The following LRFN2 variants were observed in gnomAD, a reference collection of about 807,000 sequenced individuals.
LRFN2 encodes the protein leucine-rich repeat and fibronectin type-III domain-containing protein 2.
A neutral mutation model predicts 37.3 loss-of-function variants in LRFN2; 18 were observed. That is an observed-to-expected ratio of 0.48 (90% CI 0.33 to 0.72). The LOEUF (loss-of-function observed/expected upper bound fraction) is 0.72. Ranked by LOEUF, LRFN2 falls within the 30% of genes least tolerant of loss-of-function variation. The pLI is 0.02. For synonymous variants in LRFN2, 556 were observed against 466.6 expected, an observed-to-expected ratio of 1.19 and a Z score of -2.47; for missense variants, 1,006 against 1,060.7, an observed-to-expected ratio of 0.95 and a Z score of 0.72.
At chr6:40,429,362 A>G (rs1763428029) in intron 2 of LRFN2, among the ~76,000 whole-genome samples, 1 of 152,090 alleles carries the variant, frequency 6.6e-6, no homozygotes, top group Non-Finnish European at 1.5e-5. Context: ...TCTCCCCCTC[A>G]CGAACTGCGT....
intron 2 of LRFN2, among the ~76,000 whole-genome samples, chr6:40,394,064 G>A (rs957155970): frequency 6.6e-5 from 10 of 152,130 alleles, no homozygotes; most frequent in African/African-American, 2.4e-4. Flanking sequence ...AAGAAACCTG[G>A]GGGAAGAGTT....
Position 40,556,952 on chromosome 6 carries a change from T to C in LRFN2, c.-19+29989A>G, listed in dbSNP as rs1452074518. On this transcript the variant is annotated intron_variant, in intron 1 of 2. Coordinates refer to ENST00000338305, the MANE Select transcript of LRFN2 (RefSeq NM_020737.3). ...GTCTAATCCACATCACTTCAGACAG[T>C]GAGCTCCTTAAGAATTAGAGACATA... 2.6e-5 allele frequency among the ~76,000 whole-genome samples: 4 copies of C among 152,194 alleles called. No homozygotes were observed. In the East Asian group the frequency reaches 7.7e-4, roughly 29 times the overall value.
Position 40,392,994 on chromosome 6 carries a change from A to G in LRFN2, c.1401-82T>C. On this transcript the variant is annotated intron_variant, in intron 2 of 2. Transcript: ENST00000338305. The surrounding 1 kb of genome is among the most constrained non-coding windows in gnomAD (Gnocchi z 4.7). ...ATGGGGAGTGGACAGAGGTAGAAACAGAGTGACAGAGATGGGGAGGGGGAG... is the reference window on the plus strand; with the variant it reads ...ATGGGGAGTGGACAGAGGTAGAAACGGAGTGACAGAGATGGGGAGGGGGAG... The G allele has an allele frequency of 1.0e-6, 1 of 985,196 alleles. No individual in the cohort carries two copies. The highest frequency in any genetic ancestry group is 1.6e-5 in the South Asian group (1 of 60,616). 61.0% of individuals were successfully genotyped at this position (985,196 alleles called of 1,614,324 possible).
chr6:40,407,229 T>C (rs1762865394), intron 2 of LRFN2, among the ~76,000 whole-genome samples: 2 of 152,256 alleles, frequency 1.3e-5, no homozygotes, highest in South Asian at 4.1e-4. Context: ...TCCACAGATA[T>C]AGAAGTCTTC....
At chr6:40,482,242 G>C (rs1239900555) in intron 1 of LRFN2, among the ~76,000 whole-genome samples, 1 of 152,184 alleles carries the variant, frequency 6.6e-6, no homozygotes, top group Non-Finnish European at 1.5e-5. Flanking sequence ...GTCTAAAGAG[G>C]GTTTCTCTGC....
At chr6:40,527,547 C>A (rs1341118262) in intron 1 of LRFN2, among the ~76,000 whole-genome samples, 1 of 152,094 alleles carries the variant, frequency 6.6e-6, no homozygotes, top group African/African-American at 2.4e-5. Flanking sequence ...AAGGAAGAGA[C>A]CTGGAGCCAC....
Position 40,462,432 on chromosome 6 carries a change from G to A in LRFN2, c.-18-29301C>T, listed in dbSNP as rs190720716. 6.6e-5 allele frequency among the ~76,000 whole-genome samples: 10 copies of A among 152,260 alleles called. No homozygotes were observed. The East Asian group carries it at 1.7e-3, about 26-fold the overall frequency. On this transcript the variant is annotated intron_variant, in intron 1 of 2. Transcript: ENST00000338305. The stretch of plus-strand genomic sequence containing the variant: ...GACTCCATTCTGGGAAACCCCTGCA[G>A]CTCCCCTCAGTATGTGATTCATAGC...
chr6:40,544,401 C>G lies in LRFN2; in HGVS notation c.-19+42540G>C, dbSNP rs370868115. On this transcript the variant is annotated intron_variant, in intron 1 of 2. Transcript: ENST00000338305. ...ATATAAGCCAGCCTTTGTTTCCCAA[C>G]CCCTCTTCTAGAGCATCTTACTGCT... is the stretch of plus-strand genomic sequence containing the variant. Among the ~76,000 whole-genome samples, 10 of 152,330 alleles carry G rather than the reference C, an allele frequency of 6.6e-5. No homozygotes were observed. In the East Asian group the frequency reaches 1.9e-3, roughly 29 times the overall value.
chr6:40,523,312 T>A (rs970413099), intron 1 of LRFN2, among the ~76,000 whole-genome samples: 1 of 152,068 alleles, frequency 6.6e-6, no homozygotes, highest in African/African-American at 2.4e-5. Context: ...GGCCCCTTGA[T>A]GCATCGCCCA....
intron 1 of LRFN2, among the ~76,000 whole-genome samples, chr6:40,577,108 C>CTCCTCT (rs150002933): frequency 2.9e-5 from 3 of 104,584 alleles, no homozygotes; most frequent in Non-Finnish European, 4.0e-5. Context: ...CTTTTCCTTT[C>CTCCTCT]TTTTCTTTTT....
At chr6:40,496,065 A>G (rs1161597540) in intron 1 of LRFN2, among the ~76,000 whole-genome samples, 1 of 152,048 alleles carries the variant, frequency 6.6e-6, no homozygotes, top group Non-Finnish European at 1.5e-5. Context: ...CCATCCACCC[A>G]TCCAGATGCT....
chr6:40,423,216 A>G (rs79753067), intron 2 of LRFN2, among the ~76,000 whole-genome samples: 250 of 152,356 alleles, frequency 1.6e-3, no homozygotes, highest in African/African-American at 5.9e-3. Flanking sequence ...ATTGAAGTGA[A>G]AATATTTCTG....
chr6:40,406,669 C>T (rs369232084), intron 2 of LRFN2, among the ~76,000 whole-genome samples: 4 of 152,330 alleles, frequency 2.6e-5, no homozygotes, highest in East Asian at 1.9e-4. Flanking sequence ...TCATGGGGGC[C>T]GTGGTCTGAC....
At chr6:40,463,764 C>T (rs1342564361) in intron 1 of LRFN2, among the ~76,000 whole-genome samples, 2 of 145,948 alleles carry the variant, frequency 1.4e-5, no homozygotes, top group African/African-American at 2.5e-5. Context: ...GCAGCCTCAA[C>T]CTCTTGGGCT....
chr6:40,483,860 G>A (rs1328506388), intron 1 of LRFN2, among the ~76,000 whole-genome samples: 1 of 152,168 alleles, frequency 6.6e-6, no homozygotes, highest in Admixed American at 6.5e-5. Context: ...ATCCCTGAAA[G>A]CATCCTTGGT....
At chr6:40,423,475 A>T (rs570432471) in intron 2 of LRFN2, among the ~76,000 whole-genome samples, 3 of 152,180 alleles carry the variant, frequency 2.0e-5, no homozygotes, top group Non-Finnish European at 4.4e-5. Context: ...TCCTCACCAC[A>T]ATCCTATGAA....
chr6:40,473,943 A>G (rs1764658859), intron 1 of LRFN2, among the ~76,000 whole-genome samples: 2 of 152,096 alleles, frequency 1.3e-5, no homozygotes, highest in African/African-American at 4.8e-5. Flanking sequence ...CCACTATTAC[A>G]CACTGCCTCG....
chr6:40,452,886 A>G (rs957470870), intron 1 of LRFN2, among the ~76,000 whole-genome samples: 49 of 152,206 alleles, frequency 3.2e-4, no homozygotes, highest in African/African-American at 8.9e-4. Context: ...GAGGAAGAGA[A>G]TATACACAAG....
intron 2 of LRFN2, among the ~76,000 whole-genome samples, chr6:40,420,828 A>T (rs9394689): frequency 1.3e-5 from 2 of 152,084 alleles, no homozygotes; most frequent in Admixed American, 6.5e-5. Context: ...ATTTGAATAC[A>T]AGTAGTTTAT....
Sources: gnomAD v4.1 joint callset for allele counts (sites outside exome capture counted in the v4.1 genomes callset) on GRCh38, gnomAD v4.1.1 for gene constraint, Gnocchi (gnomAD v3.1) non-coding constraint, MANE v1.5 for transcripts, NCBI Gene and HGNC (gene_info 2026-07-23, HGNC 2026-07-21) for gene names.